Variants in SLC5A9 observed in about 807,000 individuals in gnomAD.
SLC5A9 encodes the protein solute carrier family 5 member 9, also known as sodium/glucose cotransporter 4.
SLC5A9 carries 59 observed loss-of-function variants against 70.9 expected under a neutral mutation model. That is an observed-to-expected ratio of 0.83 (90% CI 0.68 to 1.03). SLC5A9 has a LOEUF of 1.03. Ranked by LOEUF, SLC5A9 falls within the 50% of genes least tolerant of loss-of-function variation. The pLI, the probability that SLC5A9 is intolerant of heterozygous loss-of-function variation, is 0.00. For missense variants in SLC5A9, 832 were observed against 881.1 expected, an observed-to-expected ratio of 0.94 and a Z score of 0.71; for synonymous variants, 340 against 346.5, an observed-to-expected ratio of 0.98 and a Z score of 0.21.
At chr1:48,233,360 CAAAAAAA>C (rs1157245912) in intron 8 of SLC5A9, among the ~76,000 whole-genome samples, 6 of 58,714 alleles carry the variant, frequency 1.0e-4, no homozygotes, top group African/African-American at 3.7e-4. Context: ...GACTCCATCT[CAAAAAAA>C]AAAAAAAAAA....
intron 10 of SLC5A9, among the ~76,000 whole-genome samples, chr1:48,236,088 C>A (rs969016947): frequency 1.1e-4 from 17 of 152,164 alleles, no homozygotes; most frequent in African/African-American, 4.1e-4. Flanking sequence ...AACACCTCTT[C>A]CCTGGTAACT....
At chr1:48,223,002 C>A in intron 1 of SLC5A9, 104 bp downstream of exon 1, 1 of 1,217,150 alleles carries the variant, frequency 8.2e-7, no homozygotes, top group Non-Finnish European at 1.2e-6. Flanking sequence ...AGAAGCAGAT[C>A]ATAGAACCAT....
At chr1:48,247,200 C>T in intron 13 of SLC5A9, 135 bp from the exon 14 acceptor site, 1 of 787,968 alleles carries the variant, frequency 1.3e-6, no homozygotes, top group Non-Finnish European at 2.1e-6. Flanking sequence ...TCCCCAGTTT[C>T]TGTGCACCCC....
In SLC5A9 at chr1:48,239,440, A is replaced by ACTT; in HGVS notation, c.1582_1584dup (p.Phe528dup). Reference sequence around the variant, plus strand: ...GACCGGAGGCCAGCAGTGCTGAAGGACTTCCACTACCTGTACTTTGCAATC... The same window carrying ACTT: ...GACCGGAGGCCAGCAGTGCTGAAGGACTTCTTCCACTACCTGTACTTTGCAATC... On this transcript the variant is annotated inframe_insertion, in exon 12 of 14. Transcript: ENST00000438567. This position sits in a 1 kb window ranked among gnomAD's most constrained non-coding sequence, Gnocchi z 4.2. 2 of 1,614,146 alleles carry ACTT rather than the reference A, an allele frequency of 1.2e-6. No homozygotes were observed. Among genetic ancestry groups the ACTT allele is most frequent in the Non-Finnish European group, 1.7e-6 (2 of 1,180,012 alleles).
At position 48,232,155 on chromosome 1, in the gene SLC5A9, A is replaced by G. The variant is rs770129455; in HGVS notation, c.897+4A>G. 7.7e-5 allele frequency: 123 copies of G among 1,606,390 alleles called. No homozygotes were observed. Among genetic ancestry groups the G allele is most frequent in the Non-Finnish European group, 9.8e-5 (115 of 1,174,590 alleles). On this transcript the variant is annotated splice_donor_region_variant and intron_variant, in intron 7 of 13. Coordinates refer to ENST00000438567, the MANE Select transcript of SLC5A9 (RefSeq NM_001011547.3). ...CTGGTGTTGGTGCACAGACCAGGTA[A>G]TCCCCCAGCCAGGCTTAGCCCAGCC...
At chr1:48,223,238 G>T (rs967789030) in intron 1 of SLC5A9, among the ~76,000 whole-genome samples, 5 of 152,206 alleles carry the variant, frequency 3.3e-5, no homozygotes, top group Admixed American at 2.0e-4. Context: ...CCAACTCTGA[G>T]AACTCTTGAC....
intron 9 of SLC5A9, 29 bp from the exon 10 acceptor site, chr1:48,235,700 C>G (rs757699868): frequency 6.2e-7 from 1 of 1,613,070 alleles, no homozygotes; most frequent in South Asian, 1.1e-5. Context: ...AATGGGCCAG[C>G]CGTTCACATG....
intron 12 of SLC5A9, chr1:48,241,298 G>A (rs1299285572): frequency 6.6e-6 from 1 of 152,362 alleles, no homozygotes; most frequent in Non-Finnish European, 1.5e-5. Flanking sequence ...GACATAAAGA[G>A]ACACAGTCCA....
chr1:48,231,604 G>A lies in SLC5A9; in HGVS notation c.670G>A (p.Ala224Thr). 6.2e-7 allele frequency: 1 copy of A among 1,614,160 alleles called. No individual in the cohort carries two copies. The highest frequency in any genetic ancestry group is 8.5e-7 in the Non-Finnish European group (1 of 1,180,014). Reference sequence around the variant, plus strand: ...GCAGACGGTGATCATGGTAGGGGGAGCCCTGGTCCTCATGTTTCTGGGTAA... The same window carrying A: ...GCAGACGGTGATCATGGTAGGGGGAACCCTGGTCCTCATGTTTCTGGGTAA... ...ALQTVIMVGGALVLMFLGFQD... is the reference protein window; with the variant it reads ...ALQTVIMVGGTLVLMFLGFQD... The change falls in exon 6 of 14, where the codon GCC becomes ACC. Residue 224 changes from alanine (A) to threonine (T), a missense_variant. Ala to Thr is a moderately conservative substitution (Grantham distance 58). Coordinates refer to ENST00000438567, the MANE Select transcript of SLC5A9 (RefSeq NM_001011547.3).
chr1:48,222,768 G>T lies in SLC5A9; in HGVS notation c.32G>T (p.Gly11Val). ...AAGGAGCTGGCAGCAATGGGGCCTG[G>T]AGCTTCAGGGGACGGGGTCAGGACT... MSKELAAMGP[G>V]ASGDGVRTET... Residue 11 changes from glycine to valine, a missense_variant, in exon 1 of 14, where the codon GGA (glycine) becomes GTA (valine). Physicochemically the swap from Gly to Val is moderately radical, Grantham distance 109. Transcript: ENST00000438567. 2 of 1,614,186 alleles carry T rather than the reference G, an allele frequency of 1.2e-6. No individual in the cohort carries two copies. Among genetic ancestry groups the T allele is most frequent in the Non-Finnish European group, 1.7e-6 (2 of 1,180,028 alleles).
rs1644118535 is a variant in SLC5A9, at chr1:48,224,661, AG to A, written c.163-58del. ...ACCGAGGGGAAGGAAATCTGCGGGG[AG>A]GGGGCAGGGCAGAGGTTCAGAGAGT... is the stretch of plus-strand genomic sequence containing the variant. On this transcript the variant is annotated intron_variant, in intron 1 of 13. Coordinates refer to ENST00000438567, the MANE Select transcript of SLC5A9 (RefSeq NM_001011547.3). 4.6e-6 allele frequency: 7 copies of A among 1,534,134 alleles called. No homozygotes were observed. In the Admixed American group the frequency reaches 8.4e-5, roughly 18 times the overall value.
In SLC5A9 at chr1:48,242,511, G is replaced by A. The variant is rs1456794222; in HGVS notation, c.1732G>A (p.Glu578Lys). Residue 578 changes from glutamate (E) to lysine (K), a missense_variant, in exon 13 of 14, where the codon GAG (glutamate) becomes AAG (lysine). Coordinates refer to ENST00000438567, the MANE Select transcript of SLC5A9 (RefSeq NM_001011547.3). Reference protein sequence around the residue: ...RNCPLSELEKEAHESTPEISE... With the variant: ...RNCPLSELEKKAHESTPEISE... ...CTGCCCCCTCTCTGAGCTGGAGAAG[G>A]AGGCCCACGAGAGCACACCGGAGAT... 6.2e-7 allele frequency: 1 copy of A among 1,613,422 alleles called. No individual in the cohort carries two copies.
At chr1:48,242,172 C>T (rs984213782) in intron 12 of SLC5A9, 14 of 486,798 alleles carry the variant, frequency 2.9e-5, no homozygotes, top group Non-Finnish European at 5.4e-5. Flanking sequence ...CCTCATTTGC[C>T]TCAGTCTGTA....
intron 10 of SLC5A9, among the ~76,000 whole-genome samples, chr1:48,236,394 C>A (rs1276308285): frequency 1.3e-5 from 2 of 152,172 alleles, no homozygotes. Context: ...GGTAACACAG[C>A]AAGGTATTTG....
rs1005169375 is a variant in SLC5A9 at position 48,232,221 on chromosome 1, C to A, written c.897+70C>A. 4 of 1,564,748 alleles carry A rather than the reference C, an allele frequency of 2.6e-6. No individual in the cohort carries two copies. In the African/African-American group the frequency reaches 4.1e-5, roughly 16 times the overall value. ...TGGCTTCCTGCAGAAAAACCCAGTG[C>A]CTGGATGCATAGAGGGTTGGACCTC... On this transcript the variant is annotated intron_variant, in intron 7 of 13. Coordinates refer to ENST00000438567, the MANE Select transcript of SLC5A9 (RefSeq NM_001011547.3).
At chr1:48,227,431 AGTGTGT>A (rs67073637) in intron 2 of SLC5A9, among the ~76,000 whole-genome samples, 9 of 102,844 alleles carry the variant, frequency 8.8e-5, no homozygotes, top group Non-Finnish European at 1.5e-4. Context: ...TGTGTGTCAG[AGTGTGT>A]GTGTGTGTAT....
chr1:48,244,878 GTATATATATATATATATATATA>G (rs756117312), intron 13 of SLC5A9, among the ~76,000 whole-genome samples: 1 of 29,418 alleles, frequency 3.4e-5, no homozygotes, highest in East Asian at 1.6e-3. Flanking sequence ...ATGTGTATGT[GTATATATATATATATATATATA>G]TATATATATA....
intron 10 of SLC5A9, 61 bp from the exon 11 acceptor site, chr1:48,237,618 C>A: frequency 6.5e-6 from 10 of 1,544,328 alleles, no homozygotes; most frequent in Non-Finnish European, 8.9e-6. Context: ...GCATCACCTT[C>A]ACCCCACACC....
intron 13 of SLC5A9, among the ~76,000 whole-genome samples, chr1:48,246,300 C>T (rs1644459449): frequency 2.0e-5 from 3 of 152,094 alleles, no homozygotes; most frequent in Non-Finnish European, 4.4e-5. Context: ...TTAAATAAGT[C>T]TCTTCCCTTT....
Sources: gnomAD v4.1 joint callset for allele counts (sites outside exome capture counted in the v4.1 genomes callset) on GRCh38, gnomAD v4.1.1 for gene constraint, Gnocchi (gnomAD v3.1) non-coding constraint, MANE v1.5 for transcripts, NCBI Gene and HGNC (gene_info 2026-07-23, HGNC 2026-07-21) for gene names.